PCDH9: variants seen among roughly 807,000 people sequenced by gnomAD.
PCDH9 encodes protocadherin-9.
A neutral mutation model predicts 70.6 loss-of-function variants in PCDH9; 24 were observed. The observed-to-expected ratio is 0.34, with a 90% confidence interval of 0.25 to 0.48. PCDH9 has a LOEUF of 0.48. Among genes scored for constraint, PCDH9 ranks in the 20% least tolerant of loss-of-function variants. The probability of loss-of-function intolerance (pLI) is 0.99; values close to 1 mark genes in which losing one functional copy is unlikely to be tolerated. For missense variants in PCDH9, 1,281 were observed against 1,503.6 expected (o/e 0.85, Z 2.45); for synonymous variants, 562 against 558.5 (o/e 1.01, Z -0.09).
chr13:66,368,296 C>T (rs1956586337), intron 4 of PCDH9, among the ~76,000 whole-genome samples: 1 of 151,756 alleles, frequency 6.6e-6, no homozygotes, highest in Non-Finnish European at 1.5e-5. Flanking sequence ...GAGATACAGC[C>T]AAAATGTGTT....
chr13:66,891,590 G>A (rs747074420), intron 3 of PCDH9, among the ~76,000 whole-genome samples: 1 of 152,026 alleles, frequency 6.6e-6, no homozygotes, highest in Non-Finnish European at 1.5e-5. Context: ...GCCAGAAAGA[G>A]CATTTAAAAG....
chr13:66,346,547 G>A (rs1956215596), intron 4 of PCDH9, among the ~76,000 whole-genome samples: 1 of 152,176 alleles, frequency 6.6e-6, no homozygotes, highest in African/African-American at 2.4e-5. Context: ...CAATACCAGA[G>A]TTTGCCACTG....
chr13:66,464,494 T>C (rs1958482139), intron 4 of PCDH9, among the ~76,000 whole-genome samples: 1 of 151,934 alleles, frequency 6.6e-6, no homozygotes, highest in Non-Finnish European at 1.5e-5. Flanking sequence ...GAGCATTTTG[T>C]AAAAGCAAAA....
chr13:66,835,104 G>A (rs982646573), intron 3 of PCDH9, among the ~76,000 whole-genome samples: 2 of 152,322 alleles, frequency 1.3e-5, no homozygotes, highest in South Asian at 2.1e-4. Flanking sequence ...ATGTCCTGAG[G>A]ACTGACTACC....
At chr13:66,853,518 AT>A (rs2081348361) in intron 3 of PCDH9, among the ~76,000 whole-genome samples, 1 of 152,048 alleles carries the variant, frequency 6.6e-6, no homozygotes, top group African/African-American at 2.4e-5. Context: ...AGGGATATAT[AT>A]TTTTAGCCTT....
chr13:66,643,381 G>A (rs891567518), intron 3 of PCDH9, among the ~76,000 whole-genome samples: 7 of 151,892 alleles, frequency 4.6e-5, no homozygotes, highest in East Asian at 1.9e-4. Flanking sequence ...CTGAACAGTC[G>A]AAGTAGCTGG....
chr13:66,813,520 A>AAGGAAAGAAGGAAGGAAGGAGAGG (rs2080548519), intron 3 of PCDH9, among the ~76,000 whole-genome samples: 1 of 151,702 alleles, frequency 6.6e-6, no homozygotes, highest in Non-Finnish European at 1.5e-5. Flanking sequence ...GAAAGGAAGG[A>AAGGAAAGAAGGAAGGAAGGAGAGG]AGGAAAGAAG....
chr13:66,981,571 G>T (rs1594345723), intron 2 of PCDH9, among the ~76,000 whole-genome samples: 1 of 150,908 alleles, frequency 6.6e-6, no homozygotes, highest in Non-Finnish European at 1.5e-5. Flanking sequence ...TAAACTTATT[G>T]AATTATTACA....
chr13:66,304,325 A>G lies in PCDH9; in HGVS notation c.*330T>C, dbSNP rs2138048139. 5.1e-6 allele frequency: 1 copy of G among 195,644 alleles called. No individual in the cohort carries two copies. The highest frequency in any genetic ancestry group is 1.1e-4 in the East Asian group (1 of 8,770). The allele number at this position is 195,644 out of a possible 1,614,324, so 12.1% of individuals were successfully genotyped here. A position where few individuals can be genotyped will look rare whatever the true frequency, so the allele number is the denominator to read the frequency against. On this transcript the variant is annotated 3_prime_UTR_variant, in exon 5 of 5. Coordinates refer to ENST00000377865, the MANE Select transcript of PCDH9 (RefSeq NM_203487.3). ...ACTGGATATGTTTTTCAGTCACTCT[A>G]ATCCATGAAACTTTCTTACTTTCCA...
chr13:66,483,453 C>T (rs1045737655), intron 4 of PCDH9, among the ~76,000 whole-genome samples: 1 of 152,136 alleles, frequency 6.6e-6, no homozygotes, highest in Non-Finnish European at 1.5e-5. Flanking sequence ...GAAGGAAGTT[C>T]CTATTACATC....
intron 4 of PCDH9, among the ~76,000 whole-genome samples, chr13:66,617,517 C>G (rs1264922914): frequency 6.6e-6 from 1 of 152,174 alleles, no homozygotes; most frequent in Non-Finnish European, 1.5e-5. Flanking sequence ...ATCCTCCAAA[C>G]TGGAAAGAGT....
Position 66,960,602 on chromosome 13 carries a change from T to C in PCDH9, c.3037-56997A>G, listed in dbSNP as rs2083330446. Among the ~76,000 whole-genome samples the C allele has an allele frequency of 2.0e-5, 3 of 152,218 alleles. No homozygotes were observed. In the South Asian group the frequency reaches 6.2e-4, roughly 31 times the overall value. Reference sequence around the variant, plus strand: ...TGGATTTTACATGAAGTAGTAAAGATATAAATAACTTTTCTTTACAAACTG... The same window carrying C: ...TGGATTTTACATGAAGTAGTAAAGACATAAATAACTTTTCTTTACAAACTG... On this transcript the variant is annotated intron_variant, in intron 2 of 4. Transcript: ENST00000377865.
intron 2 of PCDH9, among the ~76,000 whole-genome samples, chr13:66,939,424 A>ATGTGTGTGTGTGTGTGTGTG (rs57997772): frequency 4.7e-5 from 7 of 148,028 alleles, no homozygotes; most frequent in African/African-American, 7.5e-5. Context: ...TTTAAAATAT[A>ATGTGTGTGTGTGTGTGTGTG]TGTGTGTGTG....
chr13:66,437,029 A>T (rs2138390153), intron 4 of PCDH9, among the ~76,000 whole-genome samples: 1 of 151,712 alleles, frequency 6.6e-6, no homozygotes, highest in South Asian at 2.1e-4. Context: ...CACAGTTCCT[A>T]TTCAGCTTCT....
chr13:66,480,345 T>C (rs758044991), intron 4 of PCDH9, among the ~76,000 whole-genome samples: 5 of 152,212 alleles, frequency 3.3e-5, no homozygotes, highest in Non-Finnish European at 7.3e-5. Context: ...TTTCTTGAGA[T>C]GGAATCTACT....
chr13:66,592,615 A>G (rs2077052260), intron 4 of PCDH9, among the ~76,000 whole-genome samples: 1 of 151,758 alleles, frequency 6.6e-6, no homozygotes. Context: ...AGGATTTTAT[A>G]GTGTTTTATT....
At chr13:66,853,306 T>C (rs2081344829) in intron 3 of PCDH9, among the ~76,000 whole-genome samples, 1 of 151,962 alleles carries the variant, frequency 6.6e-6, no homozygotes, top group South Asian at 2.1e-4. Flanking sequence ...GGAATCTTTC[T>C]GGTCTCCATT....
intron 3 of PCDH9, among the ~76,000 whole-genome samples, chr13:66,677,204 T>A (rs1036725330): frequency 2.0e-5 from 3 of 152,082 alleles, no homozygotes; most frequent in Non-Finnish European, 4.4e-5. Context: ...AGAATTTTTA[T>A]AAATGCTATC....
intron 4 of PCDH9, among the ~76,000 whole-genome samples, chr13:66,345,732 A>C (rs1364911917): frequency 6.6e-6 from 1 of 152,190 alleles, no homozygotes; most frequent in African/African-American, 2.4e-5. Flanking sequence ...GAGATGCGCC[A>C]TGTCCACCAT....
Sources: gnomAD v4.1 joint callset for allele counts (sites outside exome capture counted in the v4.1 genomes callset) on GRCh38, gnomAD v4.1.1 for gene constraint, MANE v1.5 for transcripts, NCBI Gene and HGNC (gene_info 2026-07-23, HGNC 2026-07-21) for gene names.